The following DDX10 variants were observed in gnomAD, a reference collection of about 807,000 sequenced individuals.
DDX10 encodes DEAD-box helicase 10.
A neutral mutation model predicts 104.3 loss-of-function variants in DDX10; 74 were observed. The ratio of observed to expected loss-of-function variants is 0.71; its 90% CI spans 0.59 to 0.86. The LOEUF is 0.86. Among genes scored for constraint, DDX10 ranks in the 40% least tolerant of loss-of-function variants. The pLI is 0.00. For synonymous variants in DDX10, 351 were observed against 353.4 expected, an observed-to-expected ratio of 0.99 and a Z score of 0.08; for missense variants, 952 against 1,040.0, an observed-to-expected ratio of 0.92 and a Z score of 1.16.
At chr11:108,780,992 A>C (rs985374920) in intron 13 of DDX10, among the ~76,000 whole-genome samples, 2 of 152,148 alleles carry the variant, frequency 1.3e-5, no homozygotes, top group African/African-American at 4.8e-5. Flanking sequence ...TGATTGCTAC[A>C]TGGATGTATT....
At chr11:108,923,639 C>T (rs1257303070) in intron 17 of DDX10, among the ~76,000 whole-genome samples, 2 of 152,106 alleles carry the variant, frequency 1.3e-5, no homozygotes, top group Non-Finnish European at 2.9e-5. Context: ...GCTTTTTGTT[C>T]CATGGAGGTT....
chr11:108,716,519 A>G (rs2094291684), intron 11 of DDX10, among the ~76,000 whole-genome samples: 2 of 152,184 alleles, frequency 1.3e-5, no homozygotes, highest in South Asian at 4.1e-4. Flanking sequence ...TTGGATGCAC[A>G]GTGGCCTGAT....
chr11:108,695,381 A>G (rs2094258305), intron 9 of DDX10, among the ~76,000 whole-genome samples: 1 of 152,144 alleles, frequency 6.6e-6, no homozygotes, highest in South Asian at 2.1e-4. Flanking sequence ...GTTGCTTCCA[A>G]TTTCATGCCA....
At chr11:108,726,015 A>G (rs943466991) in intron 13 of DDX10, among the ~76,000 whole-genome samples, 6 of 151,978 alleles carry the variant, frequency 3.9e-5, no homozygotes, top group Non-Finnish European at 8.8e-5. Flanking sequence ...CAGTTGATCC[A>G]GTACCATTTG....
chr11:108,907,564 A>G (rs1287754015), intron 16 of DDX10, among the ~76,000 whole-genome samples: 1 of 151,786 alleles, frequency 6.6e-6, no homozygotes, highest in African/African-American at 2.4e-5. Flanking sequence ...TCAAATTCCC[A>G]TTGCCTCTCA....
intron 13 of DDX10, among the ~76,000 whole-genome samples, chr11:108,758,893 G>A (rs1295540968): frequency 1.3e-5 from 2 of 151,984 alleles, no homozygotes; most frequent in Non-Finnish European, 2.9e-5. Flanking sequence ...ACATTTTTTG[G>A]GGTCGTTTTT....
At chr11:108,914,969 T>A (rs1298802492) in intron 16 of DDX10, among the ~76,000 whole-genome samples, 1 of 151,316 alleles carries the variant, frequency 6.6e-6, no homozygotes, top group Non-Finnish European at 1.5e-5. Context: ...CCAGTAGAAA[T>A]TGTCCTGTAT....
intron 17 of DDX10, among the ~76,000 whole-genome samples, chr11:108,931,774 A>G (rs1863978538): frequency 6.6e-6 from 1 of 152,176 alleles, no homozygotes. Flanking sequence ...CTTCTTAATC[A>G]CCTAGTTACG....
At chr11:108,672,282 C>T (rs1484767458) in intron 1 of DDX10, among the ~76,000 whole-genome samples, 4 of 152,086 alleles carry the variant, frequency 2.6e-5, no homozygotes, top group Non-Finnish European at 5.9e-5. Context: ...GGCAGCCTGC[C>T]TCCTTCTGTA....
At chr11:108,855,102 A>G (rs1271819043) in intron 16 of DDX10, among the ~76,000 whole-genome samples, 1 of 152,228 alleles carries the variant, frequency 6.6e-6, no homozygotes, top group African/African-American at 2.4e-5. Context: ...TCTTTAGCAG[A>G]GAAGTACTTG....
chr11:108,704,065 TGATCATGGGC>T (rs1347242188), intron 9 of DDX10, among the ~76,000 whole-genome samples: 1 of 152,174 alleles, frequency 6.6e-6, no homozygotes, highest in East Asian at 1.9e-4. Flanking sequence ...TTAAAAGGTT[TGATCATGGGC>T]CCTTTGTGAC....
intron 13 of DDX10, among the ~76,000 whole-genome samples, chr11:108,810,887 C>T (rs1862170282): frequency 6.6e-6 from 1 of 152,194 alleles, no homozygotes; most frequent in Non-Finnish European, 1.5e-5. Context: ...AAACTCACCA[C>T]CAACCCGTTT....
Position 108,665,125 on chromosome 11 carries a change from T to A in DDX10, c.-29T>A, listed in dbSNP as rs367691590. 1 of 1,589,262 alleles carries A rather than the reference T, an allele frequency of 6.3e-7. No homozygotes were observed. Among genetic ancestry groups the A allele is most frequent in the African/African-American group, 1.4e-5 (1 of 73,886 alleles). On this transcript the variant is annotated 5_prime_UTR_variant, in exon 1 of 18. Transcript: ENST00000322536. The stretch of plus-strand genomic sequence containing the variant: ...GCCTTAGGTGTCTCGTGTCTGGGGT[T>A]GATCCGAGCTGTCGCCGCCGCCGCC...
At chr11:108,858,241 A>G (rs1347937108) in intron 16 of DDX10, among the ~76,000 whole-genome samples, 1 of 152,026 alleles carries the variant, frequency 6.6e-6, no homozygotes, top group Non-Finnish European at 1.5e-5. Flanking sequence ...AGGCCGACTC[A>G]TGACGTTCTT....
At chr11:108,855,375 G>C (rs1235955951) in intron 16 of DDX10, among the ~76,000 whole-genome samples, 2 of 152,174 alleles carry the variant, frequency 1.3e-5, no homozygotes, top group Non-Finnish European at 2.9e-5. Flanking sequence ...TAAGGAAAAG[G>C]AACAACAGTG....
At chr11:108,815,263 C>T (rs998024034) in intron 13 of DDX10, among the ~76,000 whole-genome samples, 2 of 152,158 alleles carry the variant, frequency 1.3e-5, no homozygotes, top group South Asian at 4.1e-4. Context: ...AGTTACAGAG[C>T]AGACATGATA....
chr11:108,872,633 CT>C (rs1277646531), intron 16 of DDX10, among the ~76,000 whole-genome samples: 1 of 152,120 alleles, frequency 6.6e-6, no homozygotes, highest in African/African-American at 2.4e-5. Context: ...TCTCAACTGA[CT>C]TTTATTATTT....
chr11:108,795,344 A>G (rs1187518881), intron 13 of DDX10, among the ~76,000 whole-genome samples: 1 of 147,786 alleles, frequency 6.8e-6, no homozygotes, highest in Non-Finnish European at 1.5e-5. Flanking sequence ...TCTAGGGTAC[A>G]TGTGCACAAC....
At position 108,940,724 on chromosome 11, in the gene DDX10, T is replaced by G; in HGVS notation, c.*301T>G. ...TGTCATTGGAAACACTGCCTTTGTC[T>G]TACTGGCAAGTTCTGGAGCTCTTGT... On this transcript the variant is annotated 3_prime_UTR_variant, in exon 18 of 18. Transcript: ENST00000322536. 3.7e-6 allele frequency: 1 copy of G among 273,300 alleles called. No homozygotes were observed. The highest frequency in any genetic ancestry group is 7.0e-6 in the Non-Finnish European group (1 of 143,824). The allele number at this position is 273,300 out of a possible 1,614,324, so 16.9% of individuals were successfully genotyped here. A position where few individuals can be genotyped will look rare whatever the true frequency, so the allele number is the denominator to read the frequency against.
Sources: gnomAD v4.1 joint callset for allele counts (sites outside exome capture counted in the v4.1 genomes callset) on GRCh38, gnomAD v4.1.1 for gene constraint, MANE v1.5 for transcripts, NCBI Gene and HGNC (gene_info 2026-07-23, HGNC 2026-07-21) for gene names.